The following GRIN2B variants were observed in gnomAD, a reference collection of about 807,000 sequenced individuals.
The protein encoded by GRIN2B is glutamate receptor ionotropic, NMDA 2B.
Under a neutral mutation model 114.5 loss-of-function variants are expected in GRIN2B, and 5 were observed. The observed-to-expected ratio is 0.04, with a 90% confidence interval of 0.02 to 0.09. The LOEUF is 0.09. GRIN2B is among the 10% of genes least tolerant of loss of function. The pLI is 1.00. For synonymous variants in GRIN2B, 787 were observed against 745.1 expected, an observed-to-expected ratio of 1.06 and a Z score of -0.92; for missense variants, 1,108 against 1,943.5, an observed-to-expected ratio of 0.57 and a Z score of 8.08.
intron 12 of GRIN2B, among the ~76,000 whole-genome samples, chr12:13,568,715 A>T (rs1806210): frequency 0.036 from 5,449 of 152,320 alleles, 127 homozygotes; most frequent in East Asian, 0.087. Context: ...TGAAGCCAAC[A>T]AGGGTCTGGC....
At chr12:13,731,207 C>G (rs1042848248) in intron 4 of GRIN2B, among the ~76,000 whole-genome samples, 2 of 152,192 alleles carry the variant, frequency 1.3e-5, no homozygotes, top group Non-Finnish European at 2.9e-5. Context: ...TACAAGACAT[C>G]CTCACTAATG....
chr12:13,663,402 C>T (rs1034024194), intron 5 of GRIN2B, among the ~76,000 whole-genome samples: 1 of 152,088 alleles, frequency 6.6e-6, no homozygotes, highest in African/African-American at 2.4e-5. Context: ...AAACAACACC[C>T]AAGTAGATCA....
chr12:13,943,511 G>A (rs1315246568), intron 2 of GRIN2B, among the ~76,000 whole-genome samples: 1 of 152,090 alleles, frequency 6.6e-6, no homozygotes, highest in Non-Finnish European at 1.5e-5. Flanking sequence ...AAAGCCCTAC[G>A]TGAACTGGCC....
intron 5 of GRIN2B, among the ~76,000 whole-genome samples, chr12:13,670,998 T>C (rs556668245): frequency 2.0e-5 from 3 of 152,274 alleles, no homozygotes; most frequent in African/African-American, 7.2e-5. Flanking sequence ...TTGGAGTATT[T>C]TCAGAGGAGT....
intron 3 of GRIN2B, among the ~76,000 whole-genome samples, chr12:13,837,863 T>C (rs1658801309): frequency 6.6e-6 from 1 of 152,164 alleles, no homozygotes; most frequent in Admixed American, 6.5e-5. Context: ...GGGTTATAGC[T>C]GATGGAAATC....
chr12:13,593,993 A>G (rs949956681), intron 10 of GRIN2B, among the ~76,000 whole-genome samples: 23 of 152,236 alleles, frequency 1.5e-4, no homozygotes, highest in Non-Finnish European at 2.2e-4. Flanking sequence ...CATGCCAGTT[A>G]GAATGGTGAT....
intron 2 of GRIN2B, among the ~76,000 whole-genome samples, chr12:13,906,522 A>G (rs1243424590): frequency 6.6e-6 from 1 of 152,210 alleles, no homozygotes; most frequent in Non-Finnish European, 1.5e-5. Flanking sequence ...ACCCTAGAAA[A>G]TGTGTGGTTT....
At chr12:13,821,820 A>T (rs1864943760) in intron 3 of GRIN2B, among the ~76,000 whole-genome samples, 1 of 152,170 alleles carries the variant, frequency 6.6e-6, no homozygotes, top group Non-Finnish European at 1.5e-5. Context: ...TCTATCCAGG[A>T]CCAGAAGTTC....
At chr12:13,856,653 A>T (rs1242005260) in intron 3 of GRIN2B, among the ~76,000 whole-genome samples, 2 of 151,890 alleles carry the variant, frequency 1.3e-5, no homozygotes. Context: ...TTCTTTTCTT[A>T]TCTCTCTGAT....
chr12:13,887,444 G>GA (rs986846777), intron 2 of GRIN2B, among the ~76,000 whole-genome samples: 2 of 151,874 alleles, frequency 1.3e-5, no homozygotes, highest in South Asian at 2.1e-4. Flanking sequence ...CCTCAAAACT[G>GA]AAAAAAACCC....
intron 2 of GRIN2B, among the ~76,000 whole-genome samples, chr12:13,974,871 A>G (rs1427849601): frequency 6.6e-6 from 1 of 152,218 alleles, no homozygotes; most frequent in Non-Finnish European, 1.5e-5. Flanking sequence ...ATGAAGTTAA[A>G]AGAACAGTGT....
chr12:13,600,993 G>A (rs1182925020), intron 10 of GRIN2B, among the ~76,000 whole-genome samples: 1 of 152,232 alleles, frequency 6.6e-6, no homozygotes, highest in Non-Finnish European at 1.5e-5. Context: ...AGGCAAAGGA[G>A]AGGGGAACTG....
chr12:13,608,952 C>G, intron 9 of GRIN2B, 120 bp from the exon 10 acceptor site: 2 of 741,138 alleles, frequency 2.7e-6, no homozygotes, highest in East Asian at 5.3e-5. Context: ...AAAACCAAGC[C>G]CTTTTATAGA....
chr12:13,704,106 G>C (rs1164992606), intron 4 of GRIN2B, among the ~76,000 whole-genome samples: 21 of 152,158 alleles, frequency 1.4e-4, no homozygotes, highest in Admixed American at 1.4e-3. Flanking sequence ...TAGTAATGTG[G>C]TCATGAGGCT....
At chr12:13,758,805 C>T (rs1029084115) in intron 3 of GRIN2B, among the ~76,000 whole-genome samples, 4 of 152,178 alleles carry the variant, frequency 2.6e-5, no homozygotes, top group African/African-American at 9.7e-5. Flanking sequence ...ATCATACTTA[C>T]ACAGTAAACA....
chr12:13,548,334 A>G lies in GRIN2B; in HGVS notation c.*14449T>C, dbSNP rs1482286165. The G allele has an allele frequency of 6.6e-6, 1 of 151,932 alleles. No individual in the cohort carries two copies. The highest frequency in any genetic ancestry group is 2.4e-5 in the African/African-American group (1 of 41,346). The allele number at this position is 151,932 out of a possible 1,614,324, so 9.4% of individuals were successfully genotyped here. ...AGATTTTCTTTGTAAGACTTCCTCC[A>G]TTGGCCGCTATGGTACAGCTCAGAA... On this transcript the variant is annotated 3_prime_UTR_variant, in exon 14 of 14. Transcript: ENST00000609686.
At chr12:13,864,037 G>A (rs1050443322) in intron 3 of GRIN2B, among the ~76,000 whole-genome samples, 2 of 152,112 alleles carry the variant, frequency 1.3e-5, no homozygotes, top group African/African-American at 2.4e-5. Flanking sequence ...ACAACTCAAC[G>A]GGTTCTGCCA....
intron 3 of GRIN2B, among the ~76,000 whole-genome samples, chr12:13,804,157 CTTT>C (rs10626018): frequency 7.0e-6 from 1 of 143,458 alleles, no homozygotes; most frequent in East Asian, 2.0e-4. Flanking sequence ...CTGCAGCTCT[CTTT>C]TTTTTTTTTG....
intron 10 of GRIN2B, among the ~76,000 whole-genome samples, chr12:13,589,830 A>G (rs1398860129): frequency 6.6e-6 from 1 of 152,194 alleles, no homozygotes; most frequent in Non-Finnish European, 1.5e-5. Flanking sequence ...GAGGAGCTTC[A>G]GGAACTAAAA....
Sources: allele counts gnomAD v4.1 joint callset (sites outside exome capture counted in the v4.1 genomes callset), GRCh38; gene constraint gnomAD v4.1.1; transcripts MANE v1.5; gene names NCBI Gene and HGNC (gene_info 2026-07-23, HGNC 2026-07-21).